The following PHF2 variants were observed in gnomAD, a reference collection of about 807,000 sequenced individuals.
PHF2 encodes the protein PHD finger protein 2.
PHF2 carries 27 observed loss-of-function variants against 120.5 expected under a neutral mutation model. The ratio of observed to expected loss-of-function variants is 0.22; its 90% CI spans 0.17 to 0.31. The LOEUF (loss-of-function observed/expected upper bound fraction) is 0.31. PHF2 is among the 10% of genes least tolerant of loss of function. PHF2 has a pLI of 1.00. For missense variants in PHF2, 1,024 were observed against 1,434.8 expected, an observed-to-expected ratio of 0.71 and a Z score of 4.63; for synonymous variants, 568 against 592.5, an observed-to-expected ratio of 0.96 and a Z score of 0.60.
chr9:93,661,611 GTGGA>G (rs1289144578), intron 12 of PHF2, among the ~76,000 whole-genome samples: 1 of 151,002 alleles, frequency 6.6e-6, no homozygotes, highest in Non-Finnish European at 1.5e-5. Context: ...GGGTGAATGG[GTGGA>G]TGGATGGATG....
chr9:93,627,379 A>G (rs957516586), intron 1 of PHF2, among the ~76,000 whole-genome samples: 2 of 152,016 alleles, frequency 1.3e-5, no homozygotes, highest in African/African-American at 4.8e-5. Flanking sequence ...TAGGTATAGA[A>G]AGTTTTTCTG....
intron 1 of PHF2, among the ~76,000 whole-genome samples, chr9:93,618,738 ATGTG>A (rs1476715490): frequency 6.7e-6 from 1 of 150,148 alleles, no homozygotes; most frequent in Non-Finnish European, 1.5e-5. Flanking sequence ...ACCTGTGTGT[ATGTG>A]TGTGTGTATG....
chr9:93,676,264 C>T (rs1362436170), intron 20 of PHF2, among the ~76,000 whole-genome samples: 1 of 152,250 alleles, frequency 6.6e-6, no homozygotes, highest in African/African-American at 2.4e-5. Context: ...TCTGGGCACA[C>T]AAGGAAGTTA....
chr9:93,605,463 A>G (rs1415257192), intron 1 of PHF2, among the ~76,000 whole-genome samples: 11 of 152,240 alleles, frequency 7.2e-5, no homozygotes. Flanking sequence ...GCAATGTAAT[A>G]CAGAAGAGTT....
Position 93,673,819 on chromosome 9 carries a change from A to C in PHF2, c.2583A>C (p.Glu861Asp), listed in dbSNP as rs890105167. 11 of 1,608,150 alleles carry C rather than the reference A, an allele frequency of 6.8e-6. No homozygotes were observed. In the African/African-American group the frequency reaches 1.3e-4, roughly 20 times the overall value. The change falls in exon 18 of 22, where the codon GAA (glutamate) becomes GAC (aspartate). Residue 861 changes from glutamate to aspartate, a missense_variant. By Grantham distance (45) the Glu-to-Asp change is conservative. Around this residue, in one of 2 missense-constraint regions of PHF2, gnomAD observed 677 missense variants for 857.4 expected, o/e 0.79. Transcript: ENST00000359246. The part of the protein sequence containing the change: ...KNSVDLDDYE[E>D]EQDHLDACFK... ...GTGTCGACCTGGACGACTACGAGGAAGAGCAGGACCACCTGGATGCCTGCT... is the reference window on the plus strand; with the variant it reads ...GTGTCGACCTGGACGACTACGAGGACGAGCAGGACCACCTGGATGCCTGCT...
In PHF2 at chr9:93,654,531, A is replaced by T; in HGVS notation, c.908A>T (p.Tyr303Phe). The T allele has an allele frequency of 1.2e-6, 2 of 1,614,028 alleles. No homozygotes were observed. Among genetic ancestry groups the T allele is most frequent in the South Asian group, 2.2e-5 (2 of 91,086 alleles). ...MFFADQVDKCYKCIVKQGQTL... is the reference protein window; with the variant it reads ...MFFADQVDKCFKCIVKQGQTL... Reference sequence around the variant, plus strand: ...TTTGCTGACCAGGTCGACAAATGCTACAAGTGCATCGTCAAGCAGGGCCAG... The same window carrying T: ...TTTGCTGACCAGGTCGACAAATGCTTCAAGTGCATCGTCAAGCAGGGCCAG... Residue 303 changes from tyrosine to phenylalanine, a missense_variant, in exon 7 of 22, where the codon TAC (tyrosine) becomes TTC (phenylalanine). Physicochemically the swap from Tyr to Phe is conservative, Grantham distance 22. This residue lies in a region of PHF2 where 347 missense variants were observed against 577.4 expected (regional missense o/e 0.60). Coordinates refer to ENST00000359246, the MANE Select transcript of PHF2 (RefSeq NM_005392.4).
chr9:93,660,392 G>T lies in PHF2; in HGVS notation c.1530G>T (p.Lys510Asn). ...CATCCAAAATCCCCAAGCCCCCGAAGCCCCCTAAGCCCCCAAGGCCCCCCA... is the reference window on the plus strand; with the variant it reads ...CATCCAAAATCCCCAAGCCCCCGAATCCCCCTAAGCCCCCAAGGCCCCCCA... ...PKPSKIPKPP[K>N]PPKPPRPPKT... is the part of the protein sequence containing the mutation. Residue 510 changes from lysine to asparagine, a missense_variant, in exon 12 of 22, where the codon AAG (lysine) becomes AAT (asparagine). Physicochemically the swap from Lys to Asn is moderately conservative, Grantham distance 94. Coordinates refer to ENST00000359246, the MANE Select transcript of PHF2 (RefSeq NM_005392.4). 1 of 938,754 alleles carries T rather than the reference G, an allele frequency of 1.1e-6. No individual in the cohort carries two copies. Among genetic ancestry groups the T allele is most frequent in the Non-Finnish European group, 1.4e-6 (1 of 717,894 alleles). The allele number at this position is 938,754 out of a possible 1,614,324, so 58.2% of individuals were successfully genotyped here. A position where few individuals can be genotyped will look rare whatever the true frequency, so the allele number is the denominator to read the frequency against.
At chr9:93,653,767 C>A (rs914064717) in intron 6 of PHF2, among the ~76,000 whole-genome samples, 8 of 152,180 alleles carry the variant, frequency 5.3e-5, no homozygotes, top group African/African-American at 9.7e-5. Flanking sequence ...GCCTCATCAT[C>A]GAGGCTGAGA....
intron 3 of PHF2, 102 bp from the exon 4 acceptor site, chr9:93,645,527 C>T: frequency 7.8e-7 from 1 of 1,274,412 alleles, no homozygotes; most frequent in Admixed American, 2.6e-5. Context: ...GGTGGGTGGC[C>T]AGACCCAGGC....
chr9:93,611,908 C>A (rs1825642504), intron 1 of PHF2, among the ~76,000 whole-genome samples: 1 of 152,172 alleles, frequency 6.6e-6, no homozygotes, highest in Non-Finnish European at 1.5e-5. Context: ...CAGTGAGAAG[C>A]TTGCCCTCTC....
At chr9:93,670,869 G>A (rs1264776220) in intron 17 of PHF2, among the ~76,000 whole-genome samples, 1 of 152,154 alleles carries the variant, frequency 6.6e-6, no homozygotes, top group African/African-American at 2.4e-5. Context: ...CGCTATGGGA[G>A]GGGCCACCTG....
chr9:93,622,090 C>G (rs1825835961), intron 1 of PHF2, among the ~76,000 whole-genome samples: 1 of 152,236 alleles, frequency 6.6e-6, no homozygotes, highest in Non-Finnish European at 1.5e-5. Flanking sequence ...TGCTGAGTCA[C>G]TGGCTCACCA....
intron 1 of PHF2, among the ~76,000 whole-genome samples, chr9:93,590,375 G>A (rs1441632817): frequency 2.6e-5 from 4 of 152,130 alleles, no homozygotes; most frequent in East Asian, 1.9e-4. Flanking sequence ...TGAGAAGGGC[G>A]CCCCACTTTG....
At chr9:93,645,174 G>A (rs770859649) in intron 3 of PHF2, among the ~76,000 whole-genome samples, 2 of 152,246 alleles carry the variant, frequency 1.3e-5, no homozygotes, top group Non-Finnish European at 2.9e-5. Flanking sequence ...AGTGGCTCTT[G>A]TTCCTGAGCT....
intron 1 of PHF2, among the ~76,000 whole-genome samples, chr9:93,609,000 A>G (rs1485731692): frequency 7.1e-6 from 1 of 141,606 alleles, no homozygotes; most frequent in Non-Finnish European, 1.6e-5. Flanking sequence ...AATCTTTTTT[A>G]TGCCTTCTCT....
chr9:93,612,274 T>C (rs1021294078), intron 1 of PHF2, among the ~76,000 whole-genome samples: 43 of 152,314 alleles, frequency 2.8e-4, no homozygotes, highest in African/African-American at 1.0e-3. Context: ...ATGTAACAGG[T>C]GTCTGTGTCT....
intron 2 of PHF2, among the ~76,000 whole-genome samples, chr9:93,630,556 G>GGCC (rs1261384489): frequency 2.0e-5 from 3 of 152,172 alleles, no homozygotes; most frequent in Non-Finnish European, 2.9e-5. Flanking sequence ...AATCTTGGAG[G>GGCC]GCCCTTGCCT....
At chr9:93,599,029 C>CTGT (rs1434660566) in intron 1 of PHF2, among the ~76,000 whole-genome samples, 2 of 152,178 alleles carry the variant, frequency 1.3e-5, no homozygotes, top group East Asian at 3.9e-4. Flanking sequence ...ATTTATTGCA[C>CTGT]TGTTGCTCAG....
In PHF2 at chr9:93,660,176, C is replaced by G. The variant is rs1371649367; in HGVS notation, c.1330-16C>G. On this transcript the variant is annotated splice_polypyrimidine_tract_variant and intron_variant, in intron 11 of 21. Coordinates refer to ENST00000359246, the MANE Select transcript of PHF2 (RefSeq NM_005392.4). Reference sequence around the variant, plus strand: ...TGGCAGAAGCAGCATGTGACCCTCTCCTTTCTGTATCCCAGAATGCCTCCA... The same window carrying G: ...TGGCAGAAGCAGCATGTGACCCTCTGCTTTCTGTATCCCAGAATGCCTCCA... 6.5e-7 allele frequency: 1 copy of G among 1,529,964 alleles called. No homozygotes were observed. Among genetic ancestry groups the G allele is most frequent in the East Asian group, 2.3e-5 (1 of 43,904 alleles). The allele number at this position is 1,529,964 out of a possible 1,614,324, so 94.8% of individuals were successfully genotyped here. A position where few individuals can be genotyped will look rare whatever the true frequency, so the allele number is the denominator to read the frequency against.
Sources: allele counts gnomAD v4.1 joint callset (sites outside exome capture counted in the v4.1 genomes callset), GRCh38; gene constraint gnomAD v4.1.1; regional missense constraint gnomAD v4.1.1; transcripts MANE v1.5; gene names NCBI Gene and HGNC (gene_info 2026-07-23, HGNC 2026-07-21).